Variants in TRIM29 observed in about 807,000 individuals in gnomAD.
TRIM29 encodes tripartite motif-containing protein 29.
Under a neutral mutation model 57.3 loss-of-function variants are expected in TRIM29, and 52 were observed. The observed-to-expected ratio is 0.91, with a 90% CI of 0.73 to 1.14. The LOEUF (loss-of-function observed/expected upper bound fraction) is 1.14. Ranked by LOEUF, TRIM29 falls within the 50% of genes most tolerant of loss-of-function variation. The probability of loss-of-function intolerance (pLI) is 0.00; values close to 1 mark genes in which losing one functional copy is unlikely to be tolerated. For missense variants in TRIM29, 753 were observed against 774.6 expected, an observed-to-expected ratio of 0.97 and a Z score of 0.33; for synonymous variants, 319 against 316.9, an observed-to-expected ratio of 1.01 and a Z score of -0.07.
chr11:120,118,607 C>A (rs1307079875), intron 6 of TRIM29, among the ~76,000 whole-genome samples: 1 of 152,062 alleles, frequency 6.6e-6, no homozygotes, highest in Non-Finnish European at 1.5e-5. Context: ...GTTGCTCCCC[C>A]AACCCCCACC....
intron 8 of TRIM29, 31 bp from the exon 9 acceptor site, chr11:120,112,507 C>A (rs1863159406): frequency 6.2e-7 from 1 of 1,612,556 alleles, no homozygotes; most frequent in Non-Finnish European, 8.5e-7. Context: ...GTCAGCGAGG[C>A]CAGACGACAG....
At chr11:120,136,579 G>A (rs977659249) in intron 1 of TRIM29, among the ~76,000 whole-genome samples, 1 of 152,142 alleles carries the variant, frequency 6.6e-6, no homozygotes, top group Non-Finnish European at 1.5e-5. Context: ...GCTGGGAGAA[G>A]GATAAAGGAG....
intron 8 of TRIM29, among the ~76,000 whole-genome samples, chr11:120,114,535 C>T (rs1863218602): frequency 6.6e-6 from 1 of 152,198 alleles, no homozygotes; most frequent in African/African-American, 2.4e-5. Flanking sequence ...TGATGCCATC[C>T]ACATGCCACG....
intron 1 of TRIM29, 32 bp from the exon 2 acceptor site, chr11:120,128,527 A>G: frequency 6.3e-7 from 1 of 1,598,204 alleles, no homozygotes; most frequent in Non-Finnish European, 8.5e-7. Context: ...TGGAGAAGTC[A>G]GGGGGAGGAG....
intron 6 of TRIM29, among the ~76,000 whole-genome samples, chr11:120,120,239 C>A (rs1863399380): frequency 6.6e-6 from 1 of 151,920 alleles, no homozygotes; most frequent in Non-Finnish European, 1.5e-5. Context: ...TTCCCCAGAT[C>A]CTTCCTCAGG....
At chr11:120,119,759 T>G (rs1711818892) in intron 6 of TRIM29, among the ~76,000 whole-genome samples, 1 of 151,978 alleles carries the variant, frequency 6.6e-6, no homozygotes, top group Non-Finnish European at 1.5e-5. Flanking sequence ...TGAAGAGTCC[T>G]CCAGTGCTAT....
At chr11:120,116,891 G>C in intron 7 of TRIM29, 1 of 344,840 alleles carries the variant, frequency 2.9e-6, no homozygotes, top group Non-Finnish European at 5.8e-6. Context: ...AAGTGGCAGA[G>C]AGCCCCCCAT....
chr11:120,137,375 G>A lies in TRIM29; in HGVS notation c.657C>T (p.Asp219=). Residue 219 remains aspartate (D), a synonymous_variant, in exon 1 of 9, where the codon GAC becomes GAT. Transcript: ENST00000341846. The surrounding 1 kb of genome is among the most constrained non-coding windows in gnomAD (Gnocchi z 6.2). ...GCACGGGACACTTGCGGGCCTCAAA[G>A]TCCCGGATGGGCTCGAGCAGCTGGT... The part of the protein sequence containing the change: ...RDHQLLEPIR[D]FEARKCPVHG... 6.2e-7 allele frequency: 1 copy of A among 1,613,590 alleles called. No individual in the cohort carries two copies. Among genetic ancestry groups the A allele is most frequent in the Non-Finnish European group, 8.5e-7 (1 of 1,180,022 alleles).
In TRIM29 at chr11:120,118,280, G is replaced by A; in HGVS notation, c.1570C>T (p.Gln524Ter). 6.2e-7 allele frequency: 1 copy of A among 1,614,010 alleles called. No homozygotes were observed. Among genetic ancestry groups the A allele is most frequent in the Non-Finnish European group, 8.5e-7 (1 of 1,179,946 alleles). The change falls in exon 7 of 9, where the codon CAG (glutamine) becomes TAG (stop). Residue 524 changes from glutamine to a stop codon, truncating the protein, a stop_gained. Transcript: ENST00000341846. LOFTEE classifies it high-confidence loss of function. ...SRVWEYSSSI[Q>*]NSDNDLPVVQ... The stretch of plus-strand genomic sequence containing the variant: ...ACGGGCAGGTCATTGTCAGAGTTCT[G>A]AATGCTGGAGGAGTACTCCCAGACC...
Position 120,125,768 on chromosome 11 carries a change from A to G in TRIM29, c.1256T>C (p.Val419Ala), listed in dbSNP as rs1350039571. The change falls in exon 4 of 9, where the codon GTA (valine) becomes GCA (alanine). Residue 419 changes from valine to alanine, a missense_variant. By Grantham distance (64) the Val-to-Ala change is moderately conservative. Transcript: ENST00000341846. ...LGNFKDDLLN[V>A]CMRHVEKMCK... Reference sequence around the variant, plus strand: ...CATCTTCTCAACGTGGCGCATGCATACATTGAGCAGGTCGTCCTTGAAGTT... The same window carrying G: ...CATCTTCTCAACGTGGCGCATGCATGCATTGAGCAGGTCGTCCTTGAAGTT... 30 of 1,614,094 alleles carry G rather than the reference A, an allele frequency of 1.9e-5. No individual in the cohort carries two copies. Among genetic ancestry groups the G allele is most frequent in the Non-Finnish European group, 2.5e-5 (30 of 1,180,042 alleles).
In TRIM29 at chr11:120,127,571, T is replaced by A; in HGVS notation, c.901-2A>T. 2 of 1,613,232 alleles carry A rather than the reference T, an allele frequency of 1.2e-6. No individual in the cohort carries two copies. Among genetic ancestry groups the A allele is most frequent in the South Asian group, 2.2e-5 (2 of 90,960 alleles). ...GGCCTTCTCATTGGTGGTGAAGCTC[T>A]GGAGGTCCAGAGTCAGGGAAGAGAT... On this transcript the variant is annotated splice_acceptor_variant, in intron 2 of 8. Coordinates refer to ENST00000341846, the MANE Select transcript of TRIM29 (RefSeq NM_012101.4). LOFTEE classifies it high-confidence loss of function.
At position 120,112,391 on chromosome 11, in the gene TRIM29, G is replaced by T. The variant is rs758695501; in HGVS notation, c.*23C>A. On this transcript the variant is annotated 3_prime_UTR_variant, in exon 9 of 9. Transcript: ENST00000341846. Reference sequence around the variant, plus strand: ...TCAGGAGGAAGAGCAGGGGTGTGGCGCCTCGTTCCTTCCGCCAGGAGCTCA... The same window carrying T: ...TCAGGAGGAAGAGCAGGGGTGTGGCTCCTCGTTCCTTCCGCCAGGAGCTCA... 1 of 1,613,072 alleles carries T rather than the reference G, an allele frequency of 6.2e-7. No homozygotes were observed. The highest frequency in any genetic ancestry group is 1.1e-5 in the South Asian group (1 of 91,036).
At position 120,137,148 on chromosome 11, in the gene TRIM29, C is replaced by A; in HGVS notation, c.804+80G>T. The A allele has an allele frequency of 6.6e-7, 1 of 1,508,084 alleles. No individual in the cohort carries two copies. Among genetic ancestry groups the A allele is most frequent in the South Asian group, 1.2e-5 (1 of 83,610 alleles). 93.4% of individuals were successfully genotyped at this position (1,508,084 alleles called of 1,614,324 possible). ...ACTTAAGCCCCAAACCCGAGGAAGCCCGAGTGGAGAAGATGAAGTTCGGAG... is the reference window on the plus strand; with the variant it reads ...ACTTAAGCCCCAAACCCGAGGAAGCACGAGTGGAGAAGATGAAGTTCGGAG... On this transcript the variant is annotated intron_variant, in intron 1 of 8. Transcript: ENST00000341846. This position sits in a 1 kb window ranked among gnomAD's most constrained non-coding sequence, Gnocchi z 6.2.
intron 1 of TRIM29, among the ~76,000 whole-genome samples, chr11:120,134,340 T>G (rs1287258911): frequency 6.6e-6 from 1 of 152,188 alleles, no homozygotes; most frequent in African/African-American, 2.4e-5. Flanking sequence ...GAGGCAGGTC[T>G]GAGGCTGTAT....
chr11:120,133,489 C>T lies in TRIM29; in HGVS notation c.804+3739G>A, dbSNP rs149999644. On this transcript the variant is annotated intron_variant, in intron 1 of 8. Transcript: ENST00000341846. Reference sequence around the variant, plus strand: ...TGCTCCCCTGCTTCCTGTCTCCAAGCTTCTTTTATTTTGTTATTTCCCCCT... The same window carrying T: ...TGCTCCCCTGCTTCCTGTCTCCAAGTTTCTTTTATTTTGTTATTTCCCCCT... 2.0e-3 allele frequency among the ~76,000 whole-genome samples: 311 copies of T among 152,326 alleles called. 2 individuals carry two copies. Among genetic ancestry groups the T allele is most frequent in the Non-Finnish European group, 2.3e-3 (154 of 68,024 alleles).
At chr11:120,114,737 A>G (rs1359717744) in intron 8 of TRIM29, among the ~76,000 whole-genome samples, 1 of 152,190 alleles carries the variant, frequency 6.6e-6, no homozygotes, top group Non-Finnish European at 1.5e-5. Flanking sequence ...AGAGTCTCAG[A>G]GAGGGTATCT....
intron 3 of TRIM29, chr11:120,126,131 T>A: frequency 3.8e-6 from 2 of 527,548 alleles, no homozygotes; most frequent in Non-Finnish European, 6.8e-6. Flanking sequence ...CTAAAGTGGG[T>A]GCATCTGTTT....
chr11:120,120,468 C>A, intron 6 of TRIM29, 105 bp downstream of exon 6: 1 of 1,042,774 alleles, frequency 9.6e-7, no homozygotes, highest in Non-Finnish European at 1.4e-6. Context: ...ACATTCATCT[C>A]ACACTGGGGT....
chr11:120,117,883 C>A, intron 7 of TRIM29: 1 of 306,098 alleles, frequency 3.3e-6, no homozygotes, highest in Non-Finnish European at 6.2e-6. Flanking sequence ...GTTAAATAAA[C>A]TCTGCAGTAG....
Sources: allele counts gnomAD v4.1 joint callset (sites outside exome capture counted in the v4.1 genomes callset), GRCh38; gene constraint gnomAD v4.1.1; non-coding constraint Gnocchi (gnomAD v3.1); transcripts MANE v1.5; gene names NCBI Gene and HGNC (gene_info 2026-07-23, HGNC 2026-07-21).